The following GRIP1 variants were observed in gnomAD, a reference collection of about 807,000 sequenced individuals.
GRIP1 encodes glutamate receptor interacting protein 1, also known as glutamate receptor-interacting protein 1.
GRIP1 carries 45 observed loss-of-function variants against 129.9 expected under a neutral mutation model. The ratio of observed to expected loss-of-function variants is 0.35; its 90% confidence interval spans 0.27 to 0.44. The LOEUF (loss-of-function observed/expected upper bound fraction) is 0.44. GRIP1 is among the 20% of genes least tolerant of loss of function. The probability of loss-of-function intolerance (pLI) is 1.00; values close to 1 mark genes in which losing one functional copy is unlikely to be tolerated. For missense variants in GRIP1, 1,196 were observed against 1,396.8 expected (o/e 0.86, Z 2.29); for synonymous variants, 530 against 520.8 (o/e 1.02, Z -0.24).
intron 1 of GRIP1, among the ~76,000 whole-genome samples, chr12:66,627,616 AAGTCAGCCCC>A (rs1452915441): frequency 6.6e-6 from 1 of 152,104 alleles, no homozygotes; most frequent in African/African-American, 2.4e-5. Flanking sequence ...GTCTTTCCCC[AAGTCAGCCCC>A]ATGCCATTTG....
chr12:66,348,288 TAC>T lies in GRIP1; in HGVS notation c.*729_*730del, dbSNP rs2054067441. ...TAATATAACTAATTCTCATGTTTAC[TAC>T]ACACTCTAATTCATTATCAGAGATT... is the stretch of plus-strand genomic sequence containing the variant. On this transcript the variant is annotated 3_prime_UTR_variant, in exon 25 of 25. Transcript: ENST00000359742. 1 of 152,192 alleles carries T rather than the reference TAC, an allele frequency of 6.6e-6. No individual in the cohort carries two copies. Among genetic ancestry groups the T allele is most frequent in the African/African-American group, 2.4e-5 (1 of 41,430 alleles). 9.4% of individuals were successfully genotyped at this position (152,192 alleles called of 1,614,324 possible). A position where few individuals can be genotyped will look rare whatever the true frequency, so the allele number is the denominator to read the frequency against.
chr12:66,761,006 AT>A (rs1310099629), intron 1 of GRIP1, among the ~76,000 whole-genome samples: 2 of 152,056 alleles, frequency 1.3e-5, no homozygotes, highest in Non-Finnish European at 2.9e-5. Context: ...TGTCACCACA[AT>A]TTCTTCAAAT....
At chr12:66,642,192 G>C (rs1162975984) in intron 1 of GRIP1, among the ~76,000 whole-genome samples, 1 of 152,188 alleles carries the variant, frequency 6.6e-6, no homozygotes, top group Non-Finnish European at 1.5e-5. Context: ...GACTTTGCAG[G>C]GAGGAGGGTG....
At chr12:66,544,760 G>A (rs973002992) in intron 2 of GRIP1, among the ~76,000 whole-genome samples, 1 of 152,138 alleles carries the variant, frequency 6.6e-6, no homozygotes, top group Non-Finnish European at 1.5e-5. Context: ...AAGTGGTCAG[G>A]AGAGAAAGGA....
At chr12:66,979,034 C>G (rs540620314) in intron 1 of GRIP1, among the ~76,000 whole-genome samples, 35 of 152,026 alleles carry the variant, frequency 2.3e-4, no homozygotes, top group African/African-American at 8.4e-4. Flanking sequence ...TAGCTCCACA[C>G]CATCTGGGTT....
At chr12:66,356,688 C>T (rs893949840) in intron 23 of GRIP1, among the ~76,000 whole-genome samples, 3 of 151,830 alleles carry the variant, frequency 2.0e-5, no homozygotes, top group Admixed American at 6.6e-5. Context: ...TTCAAGCAAA[C>T]ACCAGTCCGC....
intron 1 of GRIP1, among the ~76,000 whole-genome samples, chr12:66,624,056 ACGC>A (rs2065383825): frequency 1.3e-5 from 2 of 152,194 alleles, no homozygotes; most frequent in Admixed American, 1.3e-4. Context: ...TCAGGGTGCA[ACGC>A]ACTGTGCTAG....
chr12:67,034,109 C>G (rs983574215), intron 1 of GRIP1, among the ~76,000 whole-genome samples: 1 of 152,178 alleles, frequency 6.6e-6, no homozygotes, highest in African/African-American at 2.4e-5. Flanking sequence ...TATATGTTTT[C>G]AGGCAAGTCA....
chr12:66,446,364 C>T (rs1022144927), intron 11 of GRIP1, among the ~76,000 whole-genome samples: 9 of 152,046 alleles, frequency 5.9e-5, no homozygotes, highest in African/African-American at 2.2e-4. Context: ...ACAGCCTCTG[C>T]CTGCAGGTCC....
intron 1 of GRIP1, among the ~76,000 whole-genome samples, chr12:66,819,138 C>T (rs1472012708): frequency 2.6e-5 from 4 of 152,294 alleles, no homozygotes; most frequent in East Asian, 1.9e-4. Context: ...ACCTCAGTCA[C>T]CTGATCTGCC....
At chr12:66,762,250 C>G (rs2037498604) in intron 1 of GRIP1, among the ~76,000 whole-genome samples, 1 of 152,176 alleles carries the variant, frequency 6.6e-6, no homozygotes, top group Non-Finnish European at 1.5e-5. Context: ...CAAGGAATAA[C>G]TGTCAACAAG....
chr12:66,590,668 C>T (rs1026452247), intron 2 of GRIP1, among the ~76,000 whole-genome samples: 1 of 152,004 alleles, frequency 6.6e-6, no homozygotes, highest in Non-Finnish European at 1.5e-5. Flanking sequence ...CAACTTTTTC[C>T]TAGGGTGTTT....
Position 66,456,303 on chromosome 12 carries a change from G to A in GRIP1, c.1082C>T (p.Ser361Phe), listed in dbSNP as rs267603635. The change falls in exon 10 of 25, where the codon TCC becomes TTC. Residue 361 changes from serine (S) to phenylalanine (F), a missense_variant. By Grantham distance (155) the Ser-to-Phe change is radical. Coordinates refer to ENST00000359742, the MANE Select transcript of GRIP1 (RefSeq NM_001366722.1). Reference protein sequence around the residue: ...QRSDRQLTWDSWASNHSSLHT... With the variant: ...QRSDRQLTWDFWASNHSSLHT... ...AAGGCTGCTGTGGTTGCTGGCCCAG[G>A]AATCCCAGGTAAGTTGCCTGTCGCT... is the stretch of plus-strand genomic sequence containing the variant. 1.6e-6 allele frequency: 2 copies of A among 1,289,450 alleles called. No individual in the cohort carries two copies. Among genetic ancestry groups the A allele is most frequent in the Non-Finnish European group, 2.0e-6 (2 of 988,408 alleles). 79.9% of individuals were successfully genotyped at this position (1,289,450 alleles called of 1,614,324 possible).
At chr12:66,743,712 C>T (rs2136570519) in intron 1 of GRIP1, among the ~76,000 whole-genome samples, 1 of 152,098 alleles carries the variant, frequency 6.6e-6, no homozygotes, top group East Asian at 1.9e-4. Flanking sequence ...GGAAAGCCAA[C>T]ATTATCCAAT....
At chr12:66,514,255 C>T (rs1390673506) in intron 7 of GRIP1, among the ~76,000 whole-genome samples, 6 of 152,136 alleles carry the variant, frequency 3.9e-5, no homozygotes, top group Admixed American at 1.3e-4. Flanking sequence ...TGTTTGTAGA[C>T]TGAATACATG....
chr12:66,510,901 C>T (rs1269177440), intron 7 of GRIP1, among the ~76,000 whole-genome samples: 2 of 152,192 alleles, frequency 1.3e-5, no homozygotes, highest in African/African-American at 4.8e-5. Context: ...TGAAAAGGTG[C>T]TCCACATTGT....
intron 1 of GRIP1, among the ~76,000 whole-genome samples, chr12:66,791,193 A>T (rs954316767): frequency 5.9e-5 from 9 of 152,134 alleles, no homozygotes; most frequent in Admixed American, 2.6e-4. Flanking sequence ...GGGGACAGGA[A>T]AGTACGTGCT....
chr12:66,511,141 A>C (rs556143250), intron 7 of GRIP1, among the ~76,000 whole-genome samples: 141 of 152,232 alleles, frequency 9.3e-4, no homozygotes, highest in African/African-American at 3.3e-3. Context: ...GTGATAGTGA[A>C]TAAGTCTCAT....
chr12:67,008,271 T>G (rs2042656491), intron 1 of GRIP1, among the ~76,000 whole-genome samples: 1 of 151,984 alleles, frequency 6.6e-6, no homozygotes, highest in African/African-American at 2.4e-5. Context: ...AAAAATGAAA[T>G]TAAAAACTGA....
Sources: gnomAD v4.1 joint callset for allele counts (sites outside exome capture counted in the v4.1 genomes callset) on GRCh38, gnomAD v4.1.1 for gene constraint, MANE v1.5 for transcripts, NCBI Gene and HGNC (gene_info 2026-07-23, HGNC 2026-07-21) for gene names.